QTMAN: variants seen among roughly 807,000 people sequenced by gnomAD.
QTMAN encodes queuosine-tRNA mannosyltransferase.
At chr2:144,325,681 G>A in the QTMAN span, among the ~76,000 whole-genome samples, 1 of 151,964 alleles carries the variant, frequency 6.6e-6, no homozygotes, top group Non-Finnish European at 1.5e-5. Context: ...TTAGTAAACT[G>A]TCCACTTAAA....
At chr2:144,227,261 T>C in the QTMAN span, among the ~76,000 whole-genome samples, 8 of 152,280 alleles carry the variant, frequency 5.3e-5, no homozygotes, top group South Asian at 1.7e-3. Context: ...CTACAAAATA[T>C]CTTTGTTTAA....
the QTMAN span, among the ~76,000 whole-genome samples, chr2:144,232,250 T>C: frequency 6.6e-6 from 1 of 152,218 alleles, no homozygotes; most frequent in Non-Finnish European, 1.5e-5. Flanking sequence ...GAGCCTGTTC[T>C]GAATGAGAGA....
the QTMAN span, among the ~76,000 whole-genome samples, chr2:144,051,341 G>A: frequency 4.6e-5 from 7 of 152,064 alleles, no homozygotes; most frequent in African/African-American, 1.7e-4. Context: ...GACCAACCTG[G>A]TCATTATGGT....
At chr2:143,951,896 T>C in the QTMAN span, 1 of 698,494 alleles carries the variant, frequency 1.4e-6, no homozygotes, top group Non-Finnish European at 2.6e-6. Flanking sequence ...TAAACATTAG[T>C]ATGTTAATTA....
the QTMAN span, chr2:144,230,403 A>C: frequency 6.6e-6 from 1 of 152,250 alleles, no homozygotes; most frequent in East Asian, 1.9e-4. Context: ...ACTTCCAAAA[A>C]TTTACTGATA....
At chr2:144,050,708 T>G in the QTMAN span, among the ~76,000 whole-genome samples, 1 of 152,162 alleles carries the variant, frequency 6.6e-6, no homozygotes, top group South Asian at 2.1e-4. Flanking sequence ...TGTAAGTCTT[T>G]CCAAAAATAG....
At chr2:144,258,901 A>G in the QTMAN span, among the ~76,000 whole-genome samples, 42 of 152,354 alleles carry the variant, frequency 2.8e-4, no homozygotes, top group Non-Finnish European at 3.4e-4. Context: ...CAGGGTATGA[A>G]TAATAAACAA....
chr2:144,204,289 C>G, the QTMAN span, among the ~76,000 whole-genome samples: 1 of 151,984 alleles, frequency 6.6e-6, no homozygotes, highest in Non-Finnish European at 1.5e-5. Context: ...TGAACTCAAA[C>G]AAATTTACAA....
chr2:144,074,202 T>C, the QTMAN span, among the ~76,000 whole-genome samples: 1 of 152,218 alleles, frequency 6.6e-6, no homozygotes, highest in African/African-American at 2.4e-5. Flanking sequence ...TGATTGATTT[T>C]AAGAATTTAG....
chr2:144,304,213 A>C, the QTMAN span, among the ~76,000 whole-genome samples: 26 of 152,326 alleles, frequency 1.7e-4, no homozygotes, highest in African/African-American at 6.0e-4. Context: ...ATAAAGAAGA[A>C]TCACACCTTA....
chr2:143,956,865 C>T, the QTMAN span, among the ~76,000 whole-genome samples: 1 of 152,066 alleles, frequency 6.6e-6, no homozygotes, highest in Admixed American at 6.6e-5. Flanking sequence ...TAAGAATCCA[C>T]ACAGTATGTT....
chr2:143,969,942 G>A, the QTMAN span, among the ~76,000 whole-genome samples: 2 of 152,172 alleles, frequency 1.3e-5, no homozygotes, highest in African/African-American at 4.8e-5. Flanking sequence ...GGTTATTTCT[G>A]AAATATTGTT....
chr2:144,316,053 GGCAA>G, the QTMAN span, among the ~76,000 whole-genome samples: 1 of 152,214 alleles, frequency 6.6e-6, no homozygotes, highest in Middle Eastern at 3.4e-3. Context: ...TGCTAGCCTA[GGCAA>G]CATGGCGAGA....
chr2:144,155,737 C>A, the QTMAN span, among the ~76,000 whole-genome samples: 1 of 152,148 alleles, frequency 6.6e-6, no homozygotes, highest in Non-Finnish European at 1.5e-5. Flanking sequence ...AGAAAACTCT[C>A]TTGAGGCGCA....
At chr2:144,147,665 T>C in the QTMAN span, among the ~76,000 whole-genome samples, 5 of 151,790 alleles carry the variant, frequency 3.3e-5, no homozygotes, top group Non-Finnish European at 7.4e-5. Context: ...CATAATGTTT[T>C]TCACACACAA....
chr2:144,117,242 C>T, the QTMAN span, among the ~76,000 whole-genome samples: 2 of 151,790 alleles, frequency 1.3e-5, no homozygotes, highest in East Asian at 3.9e-4. Context: ...TTTCCACTTT[C>T]ATGTAATCAG....
the QTMAN span, chr2:143,944,269 A>G: frequency 6.6e-6 from 1 of 152,170 alleles, no homozygotes; most frequent in Non-Finnish European, 1.5e-5. Flanking sequence ...ACACTCCTAC[A>G]TATTTTTAAA....
the QTMAN span, among the ~76,000 whole-genome samples, chr2:144,325,826 T>C: frequency 6.6e-6 from 1 of 152,190 alleles, no homozygotes; most frequent in African/African-American, 2.4e-5. Flanking sequence ...GCACAAGAAA[T>C]TTTACAAAAA....
the QTMAN span, among the ~76,000 whole-genome samples, chr2:144,115,046 T>C: frequency 2.6e-5 from 4 of 152,166 alleles, no homozygotes; most frequent in African/African-American, 9.6e-5. Context: ...CTGGCCAACA[T>C]TGTGAAACCC....
Sources: allele counts gnomAD v4.1 joint callset (sites outside exome capture counted in the v4.1 genomes callset), GRCh38; gene constraint gnomAD v4.1.1; transcripts MANE v1.5; gene names NCBI Gene and HGNC (gene_info 2026-07-23, HGNC 2026-07-21).